The following HERC2 variants were observed in gnomAD, a reference collection of about 807,000 sequenced individuals.
HERC2 encodes the protein HECT and RLD domain containing E3 ubiquitin protein ligase 2.
HERC2 carries 102 observed loss-of-function variants against 537.7 expected under a neutral mutation model. The observed-to-expected ratio is 0.19, with a 90% CI of 0.16 to 0.22. The LOEUF (loss-of-function observed/expected upper bound fraction) is 0.22. Ranked by LOEUF, HERC2 falls within the 10% of genes least tolerant of loss-of-function variation. The probability of loss-of-function intolerance (pLI) is 1.00; values close to 1 mark genes in which losing one functional copy is unlikely to be tolerated. For synonymous variants in HERC2, 2,224 were observed against 2,466.2 expected, an observed-to-expected ratio of 0.90 and a Z score of 2.91; for missense variants, 4,236 against 6,198.2, an observed-to-expected ratio of 0.68 and a Z score of 10.63.
intron 48 of HERC2, 116 bp downstream of exon 48, chr15:28,201,340 A>G (rs1377401120): frequency 5.7e-6 from 4 of 697,144 alleles, no homozygotes; most frequent in Non-Finnish European, 2.6e-6. Context: ...CAGCACCAGA[A>G]GGCAGGCTCC....
In HERC2 at chr15:28,212,426, A is replaced by G. The variant is rs377595702; in HGVS notation, c.6925+19T>C. 6 of 1,609,606 alleles carry G rather than the reference A, an allele frequency of 3.7e-6. No homozygotes were observed. The African/African-American group carries it at 6.7e-5, about 18-fold the overall frequency. The stretch of plus-strand genomic sequence containing the variant: ...GTTTAAGACGGCAGCTATTTCATCA[A>G]GAAGCACCATGTACTGACCTGCAAA... On this transcript the variant is annotated intron_variant, in intron 43 of 92. Coordinates refer to ENST00000261609, the MANE Select transcript of HERC2 (RefSeq NM_004667.6).
At position 28,191,126 on chromosome 15, in the gene HERC2, C is replaced by T. The variant is rs373384975; in HGVS notation, c.8557+13G>A. ...TAGAAGGTACTTCTTTTTAGGTAAA[C>T]TAACTGAATTACCTGACACTACAAC... On this transcript the variant is annotated intron_variant, in intron 54 of 92. Coordinates refer to ENST00000261609, the MANE Select transcript of HERC2 (RefSeq NM_004667.6). The T allele has an allele frequency of 3.1e-6, 5 of 1,598,924 alleles. No individual in the cohort carries two copies. In the African/African-American group the frequency reaches 6.7e-5, roughly 21 times the overall value.
In HERC2 at chr15:28,218,508, G is replaced by A. The variant is rs780534474; in HGVS notation, c.6009C>T (p.Ser2003=). ...LCGLLRMLVE[S]GTTDKTSSPN... ...CCATACATGTCTTGTCCGTCGTTCC[G>A]CTTTCCACTAACATTCGCAGCAGTC... Residue 2003 remains serine, a synonymous_variant, in exon 38 of 93, where the codon AGC becomes AGT. Transcript: ENST00000261609. 53 of 1,595,648 alleles carry A rather than the reference G, an allele frequency of 3.3e-5. No homozygotes were observed. The highest frequency in any genetic ancestry group is 4.1e-5 in the Non-Finnish European group (48 of 1,179,576).
rs753151617 is a variant in HERC2, at chr15:28,213,835, G to A, written c.6693C>T (p.Gly2231=). Residue 2231 remains glycine, a synonymous_variant, in exon 42 of 93, where the codon GGC becomes GGT. Coordinates refer to ENST00000261609, the MANE Select transcript of HERC2 (RefSeq NM_004667.6). ...CCTTTGGGGTGATGCGAGTCACAGTGCCTTCTCCAAACTCATCGTGCATAA... is the reference window on the plus strand; with the variant it reads ...CCTTTGGGGTGATGCGAGTCACAGTACCTTCTCCAAACTCATCGTGCATAA... The part of the protein sequence containing the change: ...GQVMHDEFGE[G]TVTRITPKGK... 1 of 1,613,996 alleles carries A rather than the reference G, an allele frequency of 6.2e-7. No homozygotes were observed. Among genetic ancestry groups the A allele is most frequent in the Non-Finnish European group, 8.5e-7 (1 of 1,179,890 alleles).
intron 2 of HERC2, among the ~76,000 whole-genome samples, chr15:28,307,717 T>C (rs2076829793): frequency 6.6e-6 from 1 of 152,214 alleles, no homozygotes; most frequent in Non-Finnish European, 1.5e-5. Flanking sequence ...CTTAACATAA[T>C]TTTTTTAACT....
At chr15:28,245,848 T>C (rs752458809) in intron 23 of HERC2, 33 bp downstream of exon 23, 2 of 1,573,072 alleles carry the variant, frequency 1.3e-6, no homozygotes, top group Non-Finnish European at 1.7e-6. Flanking sequence ...ACAATAAAAC[T>C]TTCCTCAGTA....
Position 28,113,653 on chromosome 15 carries a change from C to A in HERC2, c.13939G>T (p.Ala4647Ser), listed in dbSNP as rs750899160. The A allele has an allele frequency of 2.5e-6, 4 of 1,614,074 alleles. No homozygotes were observed. The highest frequency in any genetic ancestry group is 3.4e-6 in the Non-Finnish European group (4 of 1,179,918). ...CGGGCCATTCCTTCCCGAACAGCAGCCACCTGCTCATCAAATTCATGGAGT... is the reference window on the plus strand; with the variant it reads ...CGGGCCATTCCTTCCCGAACAGCAGACACCTGCTCATCAAATTCATGGAGT... The part of the protein sequence containing the change: ...YRLHEFDEQV[A>S]AVREGMARVV... The change falls in exon 91 of 93, where the codon GCT (alanine) becomes TCT (serine). Residue 4647 changes from alanine to serine, a missense_variant. By Grantham distance (99) the Ala-to-Ser change is moderately conservative. Coordinates refer to ENST00000261609, the MANE Select transcript of HERC2 (RefSeq NM_004667.6). This position sits in a 1 kb window ranked among gnomAD's most constrained non-coding sequence, Gnocchi z 7.0.
chr15:28,200,541 T>A (rs1897806527), intron 48 of HERC2, among the ~76,000 whole-genome samples: 1 of 152,136 alleles, frequency 6.6e-6, no homozygotes, highest in Non-Finnish European at 1.5e-5. Context: ...TGCCAGTCTA[T>A]GGTACTGTGT....
intron 15 of HERC2, among the ~76,000 whole-genome samples, chr15:28,261,219 GTTTT>G (rs554947703): frequency 6.6e-6 from 1 of 150,670 alleles, no homozygotes; most frequent in Non-Finnish European, 1.5e-5. Context: ...AAAAGGATCT[GTTTT>G]TTTTTCTCCT....
intron 55 of HERC2, among the ~76,000 whole-genome samples, chr15:28,188,830 T>C (rs1896566184): frequency 6.6e-6 from 1 of 152,002 alleles, no homozygotes. Context: ...CTCATGCCTG[T>C]AAATGCCAGC....
rs755110590 is a variant in HERC2 at position 28,186,600 on chromosome 15, C to T, written c.8802G>A (p.Glu2934=). ...PFLASDNEEE[E]DEKGNSGSLI... ...ACCTTCCGCTGTTGCCTTTCTCATC[C>T]TCCTCCTCTTCATTATCCGAAGCTA... Residue 2934 remains glutamate, a synonymous_variant, in exon 56 of 93, where the codon GAG becomes GAA. Transcript: ENST00000261609. 2 of 1,613,864 alleles carry T rather than the reference C, an allele frequency of 1.2e-6. No individual in the cohort carries two copies. The highest frequency in any genetic ancestry group is 1.7e-6 in the Non-Finnish European group (2 of 1,179,856).
rs2076168137 is a variant in HERC2, at chr15:28,286,746, C to G, written c.322+6142G>C. Among the ~76,000 whole-genome samples, 4 of 152,332 alleles carry G rather than the reference C, an allele frequency of 2.6e-5. 1 individual carries two copies. The Middle Eastern group carries it at 0.01, about 389-fold the overall frequency. ...GATTTAGATAGTTACTAAGAGTTTA[C>G]TCCCCTAAAAGATTACAACACCCAA... On this transcript the variant is annotated intron_variant, in intron 4 of 92. Transcript: ENST00000261609.
chr15:28,198,794 T>G, intron 48 of HERC2, 25 bp from the exon 49 acceptor site: 2 of 1,589,946 alleles, frequency 1.3e-6, no homozygotes, highest in Non-Finnish European at 1.7e-6. Flanking sequence ...AAATTGGAGA[T>G]CCAGTCCATC....
intron 5 of HERC2, among the ~76,000 whole-genome samples, chr15:28,277,085 A>G (rs1050182716): frequency 6.7e-6 from 1 of 149,296 alleles, no homozygotes; most frequent in African/African-American, 2.4e-5. Flanking sequence ...TCCAAAAATT[A>G]TAATAATAAC....
In HERC2 at chr15:28,125,255, A is replaced by G. The variant is rs1048242566; in HGVS notation, c.12803-62T>C. On this transcript the variant is annotated intron_variant, in intron 83 of 92. Coordinates refer to ENST00000261609, the MANE Select transcript of HERC2 (RefSeq NM_004667.6). ...TAGGGCCAACAAACGCATGGCTGCC[A>G]GTGTCTTCCCACCACACACAGCACC... 2.2e-6 allele frequency: 3 copies of G among 1,379,490 alleles called. No homozygotes were observed. In the African/African-American group the frequency reaches 4.3e-5, roughly 20 times the overall value. The allele number at this position is 1,379,490 out of a possible 1,614,324, so 85.5% of individuals were successfully genotyped here.
intron 3 of HERC2, among the ~76,000 whole-genome samples, chr15:28,295,014 T>C (rs562183895): frequency 1.3e-5 from 2 of 151,984 alleles, no homozygotes; most frequent in East Asian, 1.9e-4. Flanking sequence ...AAAAAGAACA[T>C]GATATTCAGC....
Position 28,186,704 on chromosome 15 carries a change from T to C in HERC2, c.8698A>G (p.Ile2900Val). 6.2e-7 allele frequency: 1 copy of C among 1,614,126 alleles called. No homozygotes were observed. The highest frequency in any genetic ancestry group is 8.5e-7 in the Non-Finnish European group (1 of 1,179,970). Residue 2900 changes from isoleucine to valine, a missense_variant, in exon 56 of 93, where the codon ATC becomes GTC. This residue lies in a region of HERC2 where 606 missense variants were observed against 884.5 expected (regional missense o/e 0.69). Transcript: ENST00000261609. The stretch of plus-strand genomic sequence containing the variant: ...ATGAGACCATGGATTTTACAATCGA[T>C]TCCTGAGCTCCTGCACTGCTTTATA... ...IAIKQCRSSG[I>V]DCKIHGLILL...
At chr15:28,281,730 G>A (rs766003846) in intron 4 of HERC2, among the ~76,000 whole-genome samples, 1 of 152,184 alleles carries the variant, frequency 6.6e-6, no homozygotes, top group Non-Finnish European at 1.5e-5. Context: ...TGCACACTGG[G>A]CTCAAGATGG....
At chr15:28,249,027 C>G (rs1217334867) in intron 20 of HERC2, among the ~76,000 whole-genome samples, 10 of 152,194 alleles carry the variant, frequency 6.6e-5, no homozygotes, top group Admixed American at 6.5e-4. Context: ...GATCTTGCTT[C>G]CAAAGGAATA....
Sources: gnomAD v4.1 joint callset for allele counts (sites outside exome capture counted in the v4.1 genomes callset) on GRCh38, gnomAD v4.1.1 for gene constraint, gnomAD v4.1.1 regional missense constraint, Gnocchi (gnomAD v3.1) non-coding constraint, MANE v1.5 for transcripts, NCBI Gene and HGNC (gene_info 2026-07-23, HGNC 2026-07-21) for gene names.